Variants in COLEC12 observed in about 807,000 individuals in gnomAD.
COLEC12 encodes the protein collectin subfamily member 12.
A neutral mutation model predicts 71.1 loss-of-function variants in COLEC12; 33 were observed. The ratio of observed to expected loss-of-function variants is 0.46; its 90% CI spans 0.35 to 0.62. The LOEUF (loss-of-function observed/expected upper bound fraction) is 0.62. COLEC12 is among the 20% of genes least tolerant of loss of function. COLEC12 has a pLI of 0.00. For synonymous variants in COLEC12, 350 were observed against 353.0 expected (o/e 0.99, Z 0.10); for missense variants, 765 against 916.1 (o/e 0.84, Z 2.13).
chr18:400,841 G>T (rs112017692), intron 2 of COLEC12, among the ~76,000 whole-genome samples: 2,048 of 152,118 alleles, frequency 0.013, 53 homozygotes, highest in African/African-American at 0.047. Context: ...TATTTTGGAG[G>T]GTGTGCTGTT....
chr18:376,494 T>C (rs1390159229), intron 2 of COLEC12, among the ~76,000 whole-genome samples: 1 of 152,202 alleles, frequency 6.6e-6, no homozygotes, highest in Admixed American at 6.5e-5. Context: ...CGTTGCACTG[T>C]AGTAGAGTTG....
chr18:338,146 G>A (rs1428894881), intron 5 of COLEC12, among the ~76,000 whole-genome samples: 4 of 152,010 alleles, frequency 2.6e-5, no homozygotes, highest in African/African-American at 4.8e-5. Flanking sequence ...TCTCTTCTCC[G>A]ACAATTTCCT....
chr18:385,045 G>A (rs1915314117), intron 2 of COLEC12, among the ~76,000 whole-genome samples: 1 of 152,210 alleles, frequency 6.6e-6, no homozygotes, highest in Non-Finnish European at 1.5e-5. Context: ...GCAGAACTCT[G>A]GAGGAGACCC....
intron 8 of COLEC12, among the ~76,000 whole-genome samples, chr18:329,182 G>C (rs1422170750): frequency 6.6e-6 from 1 of 152,146 alleles, no homozygotes; most frequent in Non-Finnish European, 1.5e-5. Context: ...TGGACCCCAG[G>C]GAAGAGGAGA....
chr18:458,915 G>A (rs976931304), intron 2 of COLEC12, among the ~76,000 whole-genome samples: 1 of 152,220 alleles, frequency 6.6e-6, no homozygotes, highest in Non-Finnish European at 1.5e-5. Flanking sequence ...GTTCATTGCA[G>A]CCTTGACCTC....
At chr18:368,865 CA>C (rs1300361766) in intron 2 of COLEC12, among the ~76,000 whole-genome samples, 1 of 151,954 alleles carries the variant, frequency 6.6e-6, no homozygotes, top group Non-Finnish European at 1.5e-5. Context: ...GACTCCGTCT[CA>C]AAAACAAAAC....
At chr18:485,187 T>G (rs531278198) in intron 1 of COLEC12, among the ~76,000 whole-genome samples, 90 of 152,356 alleles carry the variant, frequency 5.9e-4, no homozygotes, top group Middle Eastern at 3.4e-3. Flanking sequence ...TATCCCAGAT[T>G]GTCTTTACAG....
At chr18:336,180 C>CCCCAG (rs1914115359) in intron 5 of COLEC12, among the ~76,000 whole-genome samples, 3 of 152,154 alleles carry the variant, frequency 2.0e-5, no homozygotes, top group Admixed American at 1.3e-4. Flanking sequence ...AGCTGGCATG[C>CCCCAG]CTGTGCTGTC....
At chr18:448,441 G>T (rs1383225) in intron 2 of COLEC12, among the ~76,000 whole-genome samples, 27,365 of 152,148 alleles carry the variant, frequency 0.18, 3,237 homozygotes, top group Non-Finnish European at 0.26. Context: ...ATGGGTATGT[G>T]GTGAAGGAAA....
At chr18:434,102 G>C (rs1445554693) in intron 2 of COLEC12, among the ~76,000 whole-genome samples, 1 of 152,082 alleles carries the variant, frequency 6.6e-6, no homozygotes, top group Non-Finnish European at 1.5e-5. Context: ...TCATACCCTA[G>C]GTGAGTCATT....
At chr18:325,626 CCTTTTT>C (rs1357435157) in intron 8 of COLEC12, among the ~76,000 whole-genome samples, 22 of 55,946 alleles carry the variant, frequency 3.9e-4, no homozygotes, top group African/African-American at 1.1e-3. Flanking sequence ...AAAGGATCAG[CCTTTTT>C]TTTTTTTTTT....
At position 381,499 on chromosome 18, in the gene COLEC12, G is replaced by A. The variant is rs73356547; in HGVS notation, c.59-23977C>T. ...TTAAAATAATAATAATAAAGGAAAT[G>A]CCAATGAAAACAAAATGATAATCCC... On this transcript the variant is annotated intron_variant, in intron 2 of 9. Transcript: ENST00000400256. Among the ~76,000 whole-genome samples the A allele has an allele frequency of 4.3e-3, 654 of 152,158 alleles. 7 individuals are homozygous for A. Among genetic ancestry groups the A allele is most frequent in the African/African-American group, 0.015 (629 of 41,504 alleles).
chr18:470,553 C>G (rs937701011), intron 2 of COLEC12, among the ~76,000 whole-genome samples: 2 of 151,946 alleles, frequency 1.3e-5, no homozygotes, highest in East Asian at 3.9e-4. Context: ...TTAAGACCAG[C>G]CTGGGCAATG....
intron 2 of COLEC12, among the ~76,000 whole-genome samples, chr18:477,884 C>T (rs1038300811): frequency 3.3e-5 from 5 of 152,182 alleles, no homozygotes; most frequent in Non-Finnish European, 5.9e-5. Flanking sequence ...ACACCTTCCA[C>T]TTACCACCTT....
At chr18:414,264 G>A (rs1915946104) in intron 2 of COLEC12, among the ~76,000 whole-genome samples, 3 of 152,140 alleles carry the variant, frequency 2.0e-5, no homozygotes, top group Admixed American at 1.3e-4. Context: ...GGTAAAGAGA[G>A]TAAGCAAAAG....
At chr18:371,856 G>A (rs573460868) in intron 2 of COLEC12, among the ~76,000 whole-genome samples, 2 of 152,206 alleles carry the variant, frequency 1.3e-5, no homozygotes, top group African/African-American at 4.8e-5. Flanking sequence ...AGAGAGTGAG[G>A]GGAAACAAAC....
intron 8 of COLEC12, 64 bp downstream of exon 8, chr18:331,604 G>A: frequency 9.4e-7 from 1 of 1,065,382 alleles, no homozygotes; most frequent in Non-Finnish European, 1.5e-6. Context: ...TTGGGAGTCG[G>A]GCAAGAAGTG....
intron 7 of COLEC12, among the ~76,000 whole-genome samples, chr18:332,145 A>T (rs1396466244): frequency 2.0e-5 from 3 of 152,216 alleles, no homozygotes; most frequent in Non-Finnish European, 4.4e-5. Context: ...GCTGGGCCCC[A>T]CGTGCAGTGT....
chr18:456,881 G>A (rs972278712), intron 2 of COLEC12, among the ~76,000 whole-genome samples: 5 of 149,174 alleles, frequency 3.4e-5, no homozygotes, highest in African/African-American at 1.3e-4. Flanking sequence ...GTAAGGAAGA[G>A]CCAGGCAGGA....
Sources: allele counts gnomAD v4.1 joint callset (sites outside exome capture counted in the v4.1 genomes callset), GRCh38; gene constraint gnomAD v4.1.1; transcripts MANE v1.5; gene names NCBI Gene and HGNC (gene_info 2026-07-23, HGNC 2026-07-21).